SLC24A2: variants seen among roughly 807,000 people sequenced by gnomAD.
SLC24A2 encodes sodium/potassium/calcium exchanger 2.
A neutral mutation model predicts 62.0 loss-of-function variants in SLC24A2; 36 were observed. The observed-to-expected ratio is 0.58, with a 90% confidence interval of 0.44 to 0.77. The LOEUF is 0.77. Among genes scored for constraint, SLC24A2 ranks in the 30% least tolerant of loss-of-function variants. The pLI is 0.00. For synonymous variants in SLC24A2, 358 were observed against 294.0 expected (o/e 1.22, Z -2.23); for missense variants, 846 against 817.9 (o/e 1.03, Z -0.42).
At chr9:19,673,843 G>C (rs1201262107) in intron 2 of SLC24A2, among the ~76,000 whole-genome samples, 1 of 152,130 alleles carries the variant, frequency 6.6e-6, no homozygotes, top group African/African-American at 2.4e-5. Flanking sequence ...CTTTTAAGTG[G>C]AGTATTTAGG....
At chr9:19,840,410 C>T in the SLC24A2 span, among the ~76,000 whole-genome samples, 2 of 152,072 alleles carry the variant, frequency 1.3e-5, no homozygotes, top group African/African-American at 4.8e-5. Flanking sequence ...CCTCTTAATT[C>T]GAAATGTTTG....
At chr9:19,975,180 T>C in the SLC24A2 span, among the ~76,000 whole-genome samples, 1 of 152,344 alleles carries the variant, frequency 6.6e-6, no homozygotes, top group East Asian at 1.9e-4. Context: ...CTGTGATATT[T>C]AGGCTCCAGG....
intron 8 of SLC24A2, among the ~76,000 whole-genome samples, chr9:19,545,939 G>C (rs1834543404): frequency 6.6e-6 from 1 of 152,146 alleles, no homozygotes; most frequent in Non-Finnish European, 1.5e-5. Context: ...ACCTGGCCTA[G>C]TTTTCCTTCT....
chr9:20,038,967 A>G, the SLC24A2 span, among the ~76,000 whole-genome samples: 2 of 152,236 alleles, frequency 1.3e-5, no homozygotes, highest in African/African-American at 4.8e-5. Context: ...AAGTAAGAAA[A>G]TGGATGCGTC....
At chr9:20,231,698 C>A in the SLC24A2 span, among the ~76,000 whole-genome samples, 2 of 152,148 alleles carry the variant, frequency 1.3e-5, no homozygotes, top group Admixed American at 6.5e-5. Flanking sequence ...AATTTGACTT[C>A]CTCTTTTCCT....
In SLC24A2 at chr9:19,516,419, C is replaced by A; in HGVS notation, c.1737-17G>T. On this transcript the variant is annotated splice_polypyrimidine_tract_variant and intron_variant, in intron 10 of 10. Transcript: ENST00000341998. ...AGTGGGAGCCTGTGCAGAAGTGAAG[C>A]AGGGCAGAGGGGAGTGGGAAGACAA... is the stretch of plus-strand genomic sequence containing the variant. 1 of 1,612,926 alleles carries A rather than the reference C, an allele frequency of 6.2e-7. No individual in the cohort carries two copies.
the SLC24A2 span, among the ~76,000 whole-genome samples, chr9:19,870,976 A>T: frequency 6.6e-6 from 1 of 151,882 alleles, no homozygotes; most frequent in Non-Finnish European, 1.5e-5. Context: ...GACTTTCTTG[A>T]TAATGTTTTT....
At chr9:19,746,415 C>A (rs1311836048) in intron 2 of SLC24A2, among the ~76,000 whole-genome samples, 4 of 152,180 alleles carry the variant, frequency 2.6e-5, no homozygotes, top group Non-Finnish European at 5.9e-5. Flanking sequence ...TATCTCTATG[C>A]TCTTAGGGGT....
the SLC24A2 span, among the ~76,000 whole-genome samples, chr9:19,826,221 G>A: frequency 6.7e-6 from 1 of 149,220 alleles, no homozygotes; most frequent in African/African-American, 2.5e-5. Context: ...GGAAGAAGTG[G>A]CATTTAACAT....
chr9:19,995,472 TG>T, the SLC24A2 span, among the ~76,000 whole-genome samples: 7 of 152,138 alleles, frequency 4.6e-5, no homozygotes, highest in Non-Finnish European at 7.4e-5. Context: ...ACTTAGGCTG[TG>T]ATGGGGCCAT....
the SLC24A2 span, among the ~76,000 whole-genome samples, chr9:20,104,954 T>C: frequency 6.6e-6 from 1 of 152,104 alleles, no homozygotes; most frequent in Non-Finnish European, 1.5e-5. Context: ...AGGAAACCCA[T>C]CTCATGTGCA....
At chr9:20,085,929 G>A in the SLC24A2 span, among the ~76,000 whole-genome samples, 2 of 151,192 alleles carry the variant, frequency 1.3e-5, no homozygotes, top group South Asian at 2.1e-4. Context: ...GAATATAGTC[G>A]AGCAAATGCA....
At chr9:19,651,684 AC>A (rs933273744) in intron 2 of SLC24A2, among the ~76,000 whole-genome samples, 11 of 152,092 alleles carry the variant, frequency 7.2e-5, no homozygotes, top group African/African-American at 2.2e-4. Context: ...GCTGCCAGAA[AC>A]CCTAGAGATA....
At chr9:19,754,646 AT>A (rs5896863) in intron 2 of SLC24A2, among the ~76,000 whole-genome samples, 6,086 of 143,474 alleles carry the variant, frequency 0.042, 137 homozygotes, top group East Asian at 0.11. Flanking sequence ...TCATGGGAGG[AT>A]TTTTTTTTTT....
the SLC24A2 span, among the ~76,000 whole-genome samples, chr9:19,832,488 G>T: frequency 1.6e-4 from 24 of 152,102 alleles, no homozygotes; most frequent in African/African-American, 5.8e-4. Context: ...CAAGAAATGG[G>T]GAAACGATTC....
chr9:19,838,062 A>C, the SLC24A2 span, among the ~76,000 whole-genome samples: 1 of 151,828 alleles, frequency 6.6e-6, no homozygotes, highest in African/African-American at 2.4e-5. Flanking sequence ...GAATTGGAAA[A>C]AACTACTTTA....
At chr9:19,907,712 C>A in the SLC24A2 span, among the ~76,000 whole-genome samples, 10 of 152,302 alleles carry the variant, frequency 6.6e-5, no homozygotes, top group East Asian at 1.9e-3. Context: ...AGAGCCAAAT[C>A]ATGAGTGAAC....
chr9:20,195,368 G>A, the SLC24A2 span, among the ~76,000 whole-genome samples: 1 of 152,000 alleles, frequency 6.6e-6, no homozygotes, highest in Non-Finnish European at 1.5e-5. Context: ...AAAAACATTT[G>A]GCATCAGCAA....
chr9:19,999,114 C>A, the SLC24A2 span, among the ~76,000 whole-genome samples: 1 of 152,228 alleles, frequency 6.6e-6, no homozygotes, highest in African/African-American at 2.4e-5. Flanking sequence ...TAATGCCTAC[C>A]CACTGGGGCT....
Sources: allele counts gnomAD v4.1 joint callset (sites outside exome capture counted in the v4.1 genomes callset), GRCh38; gene constraint gnomAD v4.1.1; transcripts MANE v1.5; gene names NCBI Gene and HGNC (gene_info 2026-07-23, HGNC 2026-07-21).